ATXN1: variants seen among roughly 807,000 people sequenced by gnomAD.
ATXN1 encodes ataxin 1.
ATXN1 carries 8 observed loss-of-function variants against 56.4 expected under a neutral mutation model. The observed-to-expected ratio is 0.14, with a 90% CI of 0.08 to 0.26. The LOEUF (loss-of-function observed/expected upper bound fraction) is 0.26, where lower values mean the gene tolerates loss of function less well. ATXN1 is among the 10% of genes least tolerant of loss of function. The pLI is 1.00. For missense variants in ATXN1, 987 were observed against 1,106.5 expected (o/e 0.89, Z 1.53); for synonymous variants, 514 against 494.6 (o/e 1.04, Z -0.52).
chr6:16,344,959 G>T (rs1191130086), intron 6 of ATXN1, among the ~76,000 whole-genome samples: 1 of 152,196 alleles, frequency 6.6e-6, no homozygotes, highest in South Asian at 2.1e-4. Context: ...TCATTAGACC[G>T]TAAACTCCGA....
intron 6 of ATXN1, among the ~76,000 whole-genome samples, chr6:16,394,870 A>C (rs1758421012): frequency 6.6e-6 from 1 of 152,174 alleles, no homozygotes; most frequent in Non-Finnish European, 1.5e-5. Context: ...TTGCTAATTC[A>C]TGGTATAACT....
At chr6:16,599,083 G>C (rs773495525) in intron 3 of ATXN1, among the ~76,000 whole-genome samples, 18 of 152,208 alleles carry the variant, frequency 1.2e-4, no homozygotes, top group Non-Finnish European at 2.6e-4. Flanking sequence ...CTGATTTGGA[G>C]ACTTTCCTGC....
chr6:16,369,584 C>T (rs1263412543), intron 6 of ATXN1, among the ~76,000 whole-genome samples: 3 of 152,214 alleles, frequency 2.0e-5, no homozygotes, highest in African/African-American at 4.8e-5. Context: ...CGCAGCCACC[C>T]GTTCGCTCTT....
chr6:16,411,915 G>C (rs1367449754), intron 6 of ATXN1, among the ~76,000 whole-genome samples: 1 of 152,148 alleles, frequency 6.6e-6, no homozygotes, highest in Non-Finnish European at 1.5e-5. Context: ...ATCTCCCTTA[G>C]TAGATTGTCA....
rs72823506 is a variant in ATXN1 at position 16,372,755 on chromosome 6, A to G, written c.-160-44285T>C. On this transcript the variant is annotated intron_variant, in intron 6 of 7. Coordinates refer to ENST00000436367, the MANE Select transcript of ATXN1 (RefSeq NM_001128164.2). ...CCAGTGAGAACTCATCTCTACAAAA[A>G]AAAGGTAAAAATTAGCTGGGCGTGG... 4.0e-3 allele frequency among the ~76,000 whole-genome samples: 612 copies of G among 152,244 alleles called. 1 individual carries two copies. The highest frequency in any genetic ancestry group is 0.014 in the Middle Eastern group (4 of 294).
At chr6:16,677,480 T>A (rs915313248) in intron 2 of ATXN1, among the ~76,000 whole-genome samples, 2 of 152,204 alleles carry the variant, frequency 1.3e-5, no homozygotes, top group African/African-American at 4.8e-5. Context: ...TGTGTCCTCA[T>A]CATTAGGTCA....
chr6:16,340,606 G>C (rs955932493), intron 6 of ATXN1, among the ~76,000 whole-genome samples: 3 of 152,170 alleles, frequency 2.0e-5, no homozygotes, highest in African/African-American at 7.2e-5. Flanking sequence ...TCAAAACGGA[G>C]GGTGGTCTGG....
chr6:16,505,760 G>A (rs1023473862), intron 5 of ATXN1, among the ~76,000 whole-genome samples: 2 of 152,140 alleles, frequency 1.3e-5, no homozygotes, highest in East Asian at 3.9e-4. Flanking sequence ...ACAGTTTAAC[G>A]AAAGCAAATT....
chr6:16,329,584 A>G (rs1001262549), intron 6 of ATXN1, among the ~76,000 whole-genome samples: 2 of 152,182 alleles, frequency 1.3e-5, no homozygotes, highest in African/African-American at 4.8e-5. Flanking sequence ...GGGCTAGTGC[A>G]CTGAATGTTT....
intron 2 of ATXN1, chr6:16,736,971 G>A (rs936264324): frequency 4.6e-5 from 7 of 152,160 alleles, no homozygotes; most frequent in Non-Finnish European, 8.8e-5. Flanking sequence ...GGTAAATAAA[G>A]AATGTATGCA....
intron 7 of ATXN1, among the ~76,000 whole-genome samples, chr6:16,316,284 A>G (rs924369500): frequency 2.6e-4 from 39 of 152,204 alleles, no homozygotes; most frequent in African/African-American, 9.2e-4. Context: ...CTGCCAAAAA[A>G]TCTTCTTCCA....
At chr6:16,634,346 G>A (rs1763556379) in intron 3 of ATXN1, among the ~76,000 whole-genome samples, 3 of 151,926 alleles carry the variant, frequency 2.0e-5, no homozygotes, top group Admixed American at 6.6e-5. Context: ...TCTGGGCCTC[G>A]GTTTTCTCAT....
At chr6:16,395,079 C>T (rs991752236) in intron 6 of ATXN1, among the ~76,000 whole-genome samples, 3 of 151,894 alleles carry the variant, frequency 2.0e-5, no homozygotes, top group African/African-American at 4.8e-5. Context: ...CGAGACCAGT[C>T]GGACCAACAT....
At chr6:16,636,876 G>T (rs1763606966) in intron 3 of ATXN1, among the ~76,000 whole-genome samples, 1 of 152,142 alleles carries the variant, frequency 6.6e-6, no homozygotes, top group African/African-American at 2.4e-5. Flanking sequence ...GGAGAAATAG[G>T]AACACTTTTA....
At chr6:16,552,272 C>T (rs9464918) in intron 4 of ATXN1, among the ~76,000 whole-genome samples, 3,972 of 152,292 alleles carry the variant, frequency 0.026, 192 homozygotes, top group African/African-American at 0.089. Context: ...CTAACCAGCT[C>T]ACTCTATGTC....
chr6:16,741,917 G>A (rs1760352903), intron 2 of ATXN1, among the ~76,000 whole-genome samples: 1 of 151,996 alleles, frequency 6.6e-6, no homozygotes, highest in Non-Finnish European at 1.5e-5. Flanking sequence ...ATGTTGAGAT[G>A]GAAAAAAAAT....
At chr6:16,418,713 C>A (rs1279942918) in intron 6 of ATXN1, among the ~76,000 whole-genome samples, 1 of 109,504 alleles carries the variant, frequency 9.1e-6, no homozygotes, top group Non-Finnish European at 1.9e-5. Context: ...CCCCCCTCCC[C>A]CCTCCCCCCA....
chr6:16,349,338 A>G (rs981026873), intron 6 of ATXN1, among the ~76,000 whole-genome samples: 1 of 152,054 alleles, frequency 6.6e-6, no homozygotes, highest in African/African-American at 2.4e-5. Flanking sequence ...TCTTGTTTCT[A>G]CTAAAAATAC....
chr6:16,635,609 C>T (rs971407582), intron 3 of ATXN1, among the ~76,000 whole-genome samples: 4 of 152,210 alleles, frequency 2.6e-5, no homozygotes, highest in Non-Finnish European at 5.9e-5. Flanking sequence ...CTGCTGCTGC[C>T]GCTTACAAAA....
Sources: gnomAD v4.1 joint callset for allele counts (sites outside exome capture counted in the v4.1 genomes callset) on GRCh38, gnomAD v4.1.1 for gene constraint, MANE v1.5 for transcripts, NCBI Gene and HGNC (gene_info 2026-07-23, HGNC 2026-07-21) for gene names.